KIF16B: variants seen among roughly 807,000 people sequenced by gnomAD.
KIF16B encodes the protein kinesin-like protein KIF16B.
A neutral mutation model predicts 156.3 loss-of-function variants in KIF16B; 98 were observed. The ratio of observed to expected loss-of-function variants is 0.63; its 90% CI spans 0.53 to 0.74. The LOEUF is 0.74. Ranked by LOEUF, KIF16B falls within the 30% of genes least tolerant of loss-of-function variation. The pLI is 0.00. For missense variants in KIF16B, 1,421 were observed against 1,606.5 expected (o/e 0.88, Z 1.97); for synonymous variants, 564 against 583.7 (o/e 0.97, Z 0.49).
intron 24 of KIF16B, among the ~76,000 whole-genome samples, chr20:16,325,083 A>G (rs921928092): frequency 1.3e-5 from 2 of 152,058 alleles, no homozygotes; most frequent in Admixed American, 1.3e-4. Flanking sequence ...CAGAAAAGGG[A>G]TTTGACAAAA....
At chr20:16,520,247 C>T (rs1465071455) in intron 3 of KIF16B, among the ~76,000 whole-genome samples, 1 of 152,130 alleles carries the variant, frequency 6.6e-6, no homozygotes, top group Non-Finnish European at 1.5e-5. Context: ...AAATCCCACC[C>T]CCACAGAGCA....
chr20:16,377,215 G>A (rs1391153262), intron 19 of KIF16B, among the ~76,000 whole-genome samples: 1 of 152,032 alleles, frequency 6.6e-6, no homozygotes, highest in Non-Finnish European at 1.5e-5. Flanking sequence ...TGGGTGGGGG[G>A]AGTACTGCGG....
intron 24 of KIF16B, among the ~76,000 whole-genome samples, chr20:16,317,102 A>C (rs2122753190): frequency 6.6e-6 from 1 of 152,340 alleles, no homozygotes; most frequent in East Asian, 1.9e-4. Flanking sequence ...TTTAAAATTA[A>C]ATCAGAAATA....
chr20:16,419,734 T>G (rs147090591), intron 15 of KIF16B, among the ~76,000 whole-genome samples: 2 of 152,054 alleles, frequency 1.3e-5, no homozygotes, highest in Non-Finnish European at 2.9e-5. Context: ...AAATAACATA[T>G]TACAGTCAAA....
chr20:16,504,604 C>G, intron 9 of KIF16B, 57 bp from the exon 10 acceptor site: 1 of 1,505,576 alleles, frequency 6.6e-7, no homozygotes, highest in South Asian at 1.2e-5. Flanking sequence ...CCATTTAACA[C>G]AAAGTTGGTT....
intron 12 of KIF16B, among the ~76,000 whole-genome samples, chr20:16,457,521 G>A (rs75941500): frequency 0.054 from 8,211 of 152,194 alleles, 359 homozygotes; most frequent in East Asian, 0.21. Flanking sequence ...GGTGTGAGGC[G>A]GGTCCTGAAT....
intron 12 of KIF16B, among the ~76,000 whole-genome samples, chr20:16,453,351 T>C (rs1289504608): frequency 1.3e-5 from 2 of 152,190 alleles, no homozygotes; most frequent in East Asian, 3.9e-4. Context: ...TTTCTAATTA[T>C]AATTCAAACT....
chr20:16,368,338 G>C (rs2064729364), intron 22 of KIF16B: 2 of 989,770 alleles, frequency 2.0e-6, no homozygotes, highest in Middle Eastern at 5.2e-4. Context: ...CAGGCTCCCT[G>C]CAGCTTCGCT....
Position 16,429,965 on chromosome 20 carries a change from G to A in KIF16B, c.1320C>T (p.Leu440=), listed in dbSNP as rs1555882805. The change falls in exon 13 of 26, where the codon CTC becomes CTT. Residue 440 remains leucine, a synonymous_variant. Coordinates refer to ENST00000354981, the MANE Select transcript of KIF16B (RefSeq NM_024704.5). ...QNILKEQTLA[L]RKEGIGVVLD... ...AAACAACTCCAATCCCTTCTTTCCT[G>A]AGGGCTAGAGTTTGTTCCTGAAATT... 6.2e-7 allele frequency: 1 copy of A among 1,607,026 alleles called. No homozygotes were observed. The highest frequency in any genetic ancestry group is 1.1e-5 in the South Asian group (1 of 88,808).
chr20:16,516,098 C>G (rs1445449919), intron 3 of KIF16B, among the ~76,000 whole-genome samples: 3 of 152,172 alleles, frequency 2.0e-5, no homozygotes, highest in Non-Finnish European at 4.4e-5. Context: ...CAAGCCAAAT[C>G]AATGCCATCA....
intron 25 of KIF16B, among the ~76,000 whole-genome samples, chr20:16,309,123 T>G (rs2063582469): frequency 6.6e-6 from 1 of 152,208 alleles, no homozygotes; most frequent in Non-Finnish European, 1.5e-5. Context: ...TCTTCAAAGA[T>G]TCTATAGTTC....
intron 23 of KIF16B, among the ~76,000 whole-genome samples, chr20:16,342,983 T>C (rs1989236609): frequency 6.6e-6 from 1 of 152,162 alleles, no homozygotes; most frequent in African/African-American, 2.4e-5. Flanking sequence ...ATTAAAGCCC[T>C]TTTCTGTCCC....
intron 12 of KIF16B, among the ~76,000 whole-genome samples, chr20:16,455,447 T>C (rs1315947576): frequency 6.6e-6 from 1 of 151,832 alleles, no homozygotes; most frequent in Non-Finnish European, 1.5e-5. Context: ...GGTAATCAGG[T>C]GAAGGTTGAC....
At chr20:16,352,013 C>T (rs1215546414) in intron 23 of KIF16B, among the ~76,000 whole-genome samples, 1 of 152,202 alleles carries the variant, frequency 6.6e-6, no homozygotes, top group Admixed American at 6.5e-5. Context: ...CAGCCAGGTA[C>T]AGAAGATAAA....
intron 4 of KIF16B, among the ~76,000 whole-genome samples, chr20:16,514,145 C>T (rs968789232): frequency 2.6e-5 from 4 of 151,854 alleles, no homozygotes; most frequent in African/African-American, 9.7e-5. Context: ...AAATGTTTGA[C>T]TTACATAAAA....
At chr20:16,400,366 C>T (rs2065618124) in intron 17 of KIF16B, among the ~76,000 whole-genome samples, 1 of 152,166 alleles carries the variant, frequency 6.6e-6, no homozygotes, top group Non-Finnish European at 1.5e-5. Flanking sequence ...ATCACAAGTG[C>T]TGATGAGGAT....
At chr20:16,399,078 C>T (rs2065585531) in intron 17 of KIF16B, among the ~76,000 whole-genome samples, 2 of 152,128 alleles carry the variant, frequency 1.3e-5, no homozygotes, top group Non-Finnish European at 1.5e-5. Flanking sequence ...GTAGGAGGTG[C>T]CATCAATGCT....
intron 25 of KIF16B, among the ~76,000 whole-genome samples, chr20:16,300,082 T>A (rs1601523601): frequency 6.6e-6 from 1 of 152,170 alleles, no homozygotes; most frequent in Admixed American, 6.5e-5. Flanking sequence ...ACCTACTTAA[T>A]GGTTACATGT....
Position 16,371,742 on chromosome 20 carries a change from C to T in KIF16B, c.3370G>A (p.Glu1124Lys). The change falls in exon 21 of 26, where the codon GAA becomes AAA. Residue 1124 changes from glutamate to lysine, a missense_variant. Transcript: ENST00000354981. ...MDARINAYIE[E>K]EVQRRLQDLH... ...TCCTGAAGGCGTCTTTGGACTTCTT[C>T]TTCAATGTAAGCATTGATCCTGTAA... 2 of 1,613,380 alleles carry T rather than the reference C, an allele frequency of 1.2e-6. No homozygotes were observed. The highest frequency in any genetic ancestry group is 1.7e-6 in the Non-Finnish European group (2 of 1,179,308).
Sources: allele counts gnomAD v4.1 joint callset (sites outside exome capture counted in the v4.1 genomes callset), GRCh38; gene constraint gnomAD v4.1.1; transcripts MANE v1.5; gene names NCBI Gene and HGNC (gene_info 2026-07-23, HGNC 2026-07-21).